PPP1R16B: variants seen among roughly 807,000 people sequenced by gnomAD.
PPP1R16B encodes the protein protein phosphatase 1 regulatory subunit 16B.
A neutral mutation model predicts 61.7 loss-of-function variants in PPP1R16B; 14 were observed. The ratio of observed to expected loss-of-function variants is 0.23; its 90% CI spans 0.15 to 0.35. The LOEUF is 0.35. Ranked by LOEUF, PPP1R16B falls within the 10% of genes least tolerant of loss-of-function variation. The pLI is 1.00. For synonymous variants in PPP1R16B, 266 were observed against 305.3 expected, an observed-to-expected ratio of 0.87 and a Z score of 1.34; for missense variants, 547 against 752.5, an observed-to-expected ratio of 0.73 and a Z score of 3.19.
intron 2 of PPP1R16B, among the ~76,000 whole-genome samples, chr20:38,868,196 C>T (rs2085102881): frequency 6.6e-6 from 1 of 152,222 alleles, no homozygotes; most frequent in Non-Finnish European, 1.5e-5. Flanking sequence ...GCACAGTGTA[C>T]ACGCCGGGCA....
intron 2 of PPP1R16B, among the ~76,000 whole-genome samples, chr20:38,879,936 A>T (rs552505095): frequency 6.6e-6 from 1 of 152,318 alleles, no homozygotes; most frequent in South Asian, 2.1e-4. Context: ...AAGGGTGAAG[A>T]TTCTCTCTGA....
At chr20:38,900,474 G>A in intron 4 of PPP1R16B, 107 bp from the exon 5 acceptor site, 1 of 790,770 alleles carries the variant, frequency 1.3e-6, no homozygotes. Flanking sequence ...GGGGTTTTGA[G>A]TGCCGGGTTG....
At chr20:38,842,601 C>T (rs1264269590) in intron 2 of PPP1R16B, among the ~76,000 whole-genome samples, 1 of 152,096 alleles carries the variant, frequency 6.6e-6, no homozygotes, top group Non-Finnish European at 1.5e-5. Context: ...AGATATTATG[C>T]AGAAACCCAA....
intron 1 of PPP1R16B, among the ~76,000 whole-genome samples, chr20:38,833,066 T>C (rs913198495): frequency 1.3e-5 from 2 of 152,168 alleles, no homozygotes; most frequent in African/African-American, 4.8e-5. Context: ...TGTTCCTCAA[T>C]AGGTAAATGG....
rs2085455365 is a variant in PPP1R16B at position 38,907,685 on chromosome 20, T to A, written c.899-121T>A. 1.5e-6 allele frequency: 2 copies of A among 1,335,312 alleles called. No individual in the cohort carries two copies. The highest frequency in any genetic ancestry group is 2.9e-5 in the African/African-American group (2 of 68,376). The allele number at this position is 1,335,312 out of a possible 1,614,324, so 82.7% of individuals were successfully genotyped here. On this transcript the variant is annotated intron_variant, in intron 8 of 10. Transcript: ENST00000299824. This position sits in a 1 kb window ranked among gnomAD's most constrained non-coding sequence, Gnocchi z 4.5. ...GGCATTGTTTTCTTGCCTCCCTGCA[T>A]GCCCTGAAAGATGCTTGGAGTTTTC... is the stretch of plus-strand genomic sequence containing the variant.
intron 10 of PPP1R16B, among the ~76,000 whole-genome samples, chr20:38,916,741 A>C (rs1306233602): frequency 1.3e-5 from 2 of 152,168 alleles, no homozygotes; most frequent in Admixed American, 6.5e-5. Flanking sequence ...AGGATGATGC[A>C]AAACTGTCCA....
At chr20:38,836,799 GTAT>G (rs1262605248) in intron 2 of PPP1R16B, among the ~76,000 whole-genome samples, 1 of 152,244 alleles carries the variant, frequency 6.6e-6, no homozygotes, top group Non-Finnish European at 1.5e-5. Flanking sequence ...CAAGTAGCTA[GTAT>G]TATAGGCAGG....
At chr20:38,847,430 C>T (rs1222357738) in intron 2 of PPP1R16B, among the ~76,000 whole-genome samples, 1 of 152,142 alleles carries the variant, frequency 6.6e-6, no homozygotes, top group Non-Finnish European at 1.5e-5. Flanking sequence ...AATCTTGGCT[C>T]ACTGCAACCT....
chr20:38,904,648 T>C (rs1418084322), intron 6 of PPP1R16B, among the ~76,000 whole-genome samples: 7 of 152,112 alleles, frequency 4.6e-5, no homozygotes, highest in Admixed American at 2.0e-4. Flanking sequence ...ACCCTTGCTT[T>C]TTCAAGTTGG....
chr20:38,857,117 G>A lies in PPP1R16B; in HGVS notation c.250+20942G>A, dbSNP rs369326948. On this transcript the variant is annotated intron_variant, in intron 2 of 10. Coordinates refer to ENST00000299824, the MANE Select transcript of PPP1R16B (RefSeq NM_015568.4). Reference sequence around the variant, plus strand: ...CACAGTTTAGAATCAGTCTTCCCCAGGGTGCACCCACCACTGGCAATCAGA... The same window carrying A: ...CACAGTTTAGAATCAGTCTTCCCCAAGGTGCACCCACCACTGGCAATCAGA... 2.0e-5 allele frequency among the ~76,000 whole-genome samples: 3 copies of A among 152,152 alleles called. No individual in the cohort carries two copies. In the South Asian group the frequency reaches 6.2e-4, roughly 32 times the overall value.
intron 2 of PPP1R16B, among the ~76,000 whole-genome samples, chr20:38,853,982 G>A (rs2084986059): frequency 6.6e-6 from 1 of 152,204 alleles, no homozygotes; most frequent in Non-Finnish European, 1.5e-5. Flanking sequence ...GAGTCAGTGT[G>A]GGAAGAGTCT....
At chr20:38,900,461 G>T in intron 4 of PPP1R16B, 120 bp from the exon 5 acceptor site, 1 of 681,112 alleles carries the variant, frequency 1.5e-6, no homozygotes, top group Non-Finnish European at 2.5e-6. Context: ...GGTACACCTT[G>T]GTGGGGTTTT....
At chr20:38,852,798 A>G (rs208821) in intron 2 of PPP1R16B, among the ~76,000 whole-genome samples, 102,299 of 102,306 alleles carry the variant, frequency 1, 51,146 homozygotes, top group Middle Eastern at 1. Context: ...TGGGGGGATA[A>G]AGTCTTGCTC....
At chr20:38,885,600 G>T (rs1464367450) in intron 2 of PPP1R16B, among the ~76,000 whole-genome samples, 3 of 152,134 alleles carry the variant, frequency 2.0e-5, no homozygotes, top group Non-Finnish European at 4.4e-5. Flanking sequence ...AGAGAGGCCC[G>T]GTGCCAAATC....
chr20:38,915,806 T>A (rs1162040492), intron 10 of PPP1R16B, among the ~76,000 whole-genome samples: 1 of 151,998 alleles, frequency 6.6e-6, no homozygotes. Context: ...TGTTTTTTTT[T>A]AACTGTCTAG....
At chr20:38,813,452 G>C (rs1255811946) in intron 1 of PPP1R16B, among the ~76,000 whole-genome samples, 1 of 152,160 alleles carries the variant, frequency 6.6e-6, no homozygotes, top group East Asian at 1.9e-4. Flanking sequence ...TTCACAGCCA[G>C]ACTGATGGAA....
intron 2 of PPP1R16B, among the ~76,000 whole-genome samples, chr20:38,888,667 G>T (rs2085265122): frequency 6.6e-6 from 1 of 152,142 alleles, no homozygotes; most frequent in African/African-American, 2.4e-5. Flanking sequence ...TGCCAAGCCT[G>T]GGAAGGGGCC....
intron 3 of PPP1R16B, among the ~76,000 whole-genome samples, chr20:38,890,461 ACACTTCCCACAG>A (rs1297702034): frequency 2.0e-5 from 3 of 152,154 alleles, no homozygotes; most frequent in Non-Finnish European, 4.4e-5. Flanking sequence ...CCTCCCCACC[ACACTTCCCACAG>A]CACTTGGTGC....
intron 1 of PPP1R16B, among the ~76,000 whole-genome samples, chr20:38,821,982 A>AAT (rs3055461): frequency 0.65 from 93,694 of 144,172 alleles, 30,960 homozygotes; most frequent in African/African-American, 0.73. Context: ...ATTCCTCAGA[A>AAT]ATATATATAT....
Sources: gnomAD v4.1 joint callset for allele counts (sites outside exome capture counted in the v4.1 genomes callset) on GRCh38, gnomAD v4.1.1 for gene constraint, Gnocchi (gnomAD v3.1) non-coding constraint, MANE v1.5 for transcripts, NCBI Gene and HGNC (gene_info 2026-07-23, HGNC 2026-07-21) for gene names.